RAB18: variants seen among roughly 807,000 people sequenced by gnomAD.
RAB18 encodes the protein RAB18, member RAS oncogene family.
A neutral mutation model predicts 28.5 loss-of-function variants in RAB18; 10 were observed. The observed-to-expected ratio is 0.35, with a 90% CI of 0.22 to 0.60. RAB18 has a LOEUF of 0.60. Among genes scored for constraint, RAB18 ranks in the 20% least tolerant of loss-of-function variants. The pLI, the probability that RAB18 is intolerant of heterozygous loss-of-function variation, is 0.78. For synonymous variants in RAB18, 93 were observed against 86.9 expected (o/e 1.07, Z -0.39); for missense variants, 188 against 244.2 (o/e 0.77, Z 1.53).
chr10:27,530,728 C>G (rs889511138), intron 3 of RAB18, among the ~76,000 whole-genome samples: 1 of 151,842 alleles, frequency 6.6e-6, no homozygotes, highest in African/African-American at 2.4e-5. Context: ...AGTGGTGACA[C>G]TTTTACTGAT....
At chr10:27,521,512 C>G (rs1236084455) in intron 2 of RAB18, among the ~76,000 whole-genome samples, 1 of 152,164 alleles carries the variant, frequency 6.6e-6, no homozygotes. Flanking sequence ...GAATACCACT[C>G]AGCCATAAAA....
intron 2 of RAB18, among the ~76,000 whole-genome samples, chr10:27,521,392 A>C (rs890344221): frequency 2.0e-5 from 3 of 152,194 alleles, no homozygotes; most frequent in African/African-American, 7.2e-5. Flanking sequence ...TGAAAAAGAC[A>C]CTTTCACATG....
chr10:27,510,172 G>T, intron 2 of RAB18: 2 of 541,256 alleles, frequency 3.7e-6, no homozygotes, highest in Non-Finnish European at 6.6e-6. Flanking sequence ...CTGCTAATGT[G>T]ATTATCTGTA....
chr10:27,532,767 TAAA>T (rs1403009856), intron 4 of RAB18, among the ~76,000 whole-genome samples, 188 bp downstream of exon 4: 1 of 152,060 alleles, frequency 6.6e-6, no homozygotes, highest in African/African-American at 2.4e-5. Flanking sequence ...GTCTAGCACT[TAAA>T]AAATAGACAA....
chr10:27,520,496 G>A (rs10829267), intron 2 of RAB18, among the ~76,000 whole-genome samples: 75,999 of 151,718 alleles, frequency 0.5, 19,113 homozygotes, highest in South Asian at 0.52. Flanking sequence ...ATCTTTGCTC[G>A]TATTATTTAT....
chr10:27,504,614 C>G, intron 1 of RAB18, 177 bp downstream of exon 1: 2 of 790,100 alleles, frequency 2.5e-6, no homozygotes, highest in Non-Finnish European at 4.4e-6. Context: ...TTCCTCTCCC[C>G]ACCCGCGCCT....
intron 1 of RAB18, among the ~76,000 whole-genome samples, chr10:27,505,806 C>T (rs1837815838): frequency 6.6e-6 from 1 of 152,132 alleles, no homozygotes; most frequent in South Asian, 2.1e-4. Context: ...GACCCGCCCA[C>T]CTCGGCCTCC....
chr10:27,519,249 A>G (rs1363677711), intron 2 of RAB18, among the ~76,000 whole-genome samples: 1 of 152,092 alleles, frequency 6.6e-6, no homozygotes, highest in Non-Finnish European at 1.5e-5. Flanking sequence ...AAAATCCATC[A>G]TGTATTCTTG....
chr10:27,520,106 G>A (rs1234014115), intron 2 of RAB18, among the ~76,000 whole-genome samples: 6 of 152,100 alleles, frequency 3.9e-5, no homozygotes, highest in Non-Finnish European at 7.4e-5. Flanking sequence ...TTTTCTTAAA[G>A]TTCAACTGTT....
intron 2 of RAB18, among the ~76,000 whole-genome samples, chr10:27,510,983 T>A (rs1834311890): frequency 1.3e-5 from 2 of 152,140 alleles, no homozygotes; most frequent in South Asian, 2.1e-4. Context: ...TATTCTTTTT[T>A]AAAAAAATGA....
At chr10:27,536,994 A>T (rs991112401) in intron 6 of RAB18, among the ~76,000 whole-genome samples, 6 of 152,204 alleles carry the variant, frequency 3.9e-5, no homozygotes, top group Admixed American at 2.6e-4. Flanking sequence ...TTGTTTTTTA[A>T]TAGGATGGAA....
chr10:27,525,328 G>C (rs1834650201), intron 2 of RAB18, among the ~76,000 whole-genome samples: 1 of 152,074 alleles, frequency 6.6e-6, no homozygotes, highest in Non-Finnish European at 1.5e-5. Context: ...GCATGACAGA[G>C]GCTATCTCTG....
In RAB18 at chr10:27,518,880, G is replaced by A. The variant is rs59307603; in HGVS notation, c.125-7948G>A. Among the ~76,000 whole-genome samples, 1,029 of 147,416 alleles carry A rather than the reference G, an allele frequency of 7.0e-3. 6 individuals carry two copies. Among genetic ancestry groups the A allele is most frequent in the African/African-American group, 0.023 (956 of 41,142 alleles). ...TTTTCCCCTATATTTTCTTCCAGAA[G>A]TCTTATAGTTTATAAAGTGTTACAT... On this transcript the variant is annotated intron_variant, in intron 2 of 6. Coordinates refer to ENST00000356940, the MANE Select transcript of RAB18 (RefSeq NM_021252.5).
At chr10:27,521,740 G>A (rs1834557496) in intron 2 of RAB18, among the ~76,000 whole-genome samples, 1 of 152,104 alleles carries the variant, frequency 6.6e-6, no homozygotes, top group Non-Finnish European at 1.5e-5. Context: ...TACACATTGG[G>A]TACAGTGCAC....
At chr10:27,506,659 A>G (rs949985208) in intron 1 of RAB18, among the ~76,000 whole-genome samples, 4 of 151,968 alleles carry the variant, frequency 2.6e-5, no homozygotes, top group Non-Finnish European at 4.4e-5. Context: ...GGATTTTCCT[A>G]TGTTGCCCAG....
intron 3 of RAB18, chr10:27,527,156 A>G: frequency 1.9e-6 from 1 of 531,324 alleles, no homozygotes. Context: ...TCATCTGCCA[A>G]AGAGAATCAT....
Position 27,539,653 on chromosome 10 carries a change from CTGT to C in RAB18, c.*1607_*1609del. On this transcript the variant is annotated 3_prime_UTR_variant, in exon 7 of 7. Coordinates refer to ENST00000356940, the MANE Select transcript of RAB18 (RefSeq NM_021252.5). ...TTATGTAGAGTCTGTATTGACAAGA[CTGT>C]TGTTTTTTGCTCCTTGAGCTATATA... 1 of 453,380 alleles carries C rather than the reference CTGT, an allele frequency of 2.2e-6. No individual in the cohort carries two copies. Among genetic ancestry groups the C allele is most frequent in the Non-Finnish European group, 4.4e-6 (1 of 226,550 alleles). 28.1% of individuals were successfully genotyped at this position (453,380 alleles called of 1,614,324 possible).
At chr10:27,511,826 C>T (rs1444671587) in intron 2 of RAB18, among the ~76,000 whole-genome samples, 1 of 152,152 alleles carries the variant, frequency 6.6e-6, no homozygotes, top group East Asian at 1.9e-4. Context: ...ATAATTCTTG[C>T]CTGTGACAAG....
At chr10:27,535,418 T>G (rs1834873830) in intron 6 of RAB18, among the ~76,000 whole-genome samples, 1 of 152,150 alleles carries the variant, frequency 6.6e-6, no homozygotes, top group African/African-American at 2.4e-5. Flanking sequence ...AAATATTTCC[T>G]GAGGTGGGAA....
Sources: allele counts gnomAD v4.1 joint callset (sites outside exome capture counted in the v4.1 genomes callset), GRCh38; gene constraint gnomAD v4.1.1; transcripts MANE v1.5; gene names NCBI Gene and HGNC (gene_info 2026-07-23, HGNC 2026-07-21).